SLC7A7: variants seen among roughly 807,000 people sequenced by gnomAD.
SLC7A7 encodes the protein solute carrier family 7 member 7, also known as Y+L amino acid transporter 1.
Under a neutral mutation model 47.9 loss-of-function variants are expected in SLC7A7, and 39 were observed. The ratio of observed to expected loss-of-function variants is 0.81; its 90% CI spans 0.63 to 1.06. The LOEUF is 1.06. Among genes scored for constraint, SLC7A7 ranks in the 50% least tolerant of loss-of-function variants. The pLI, the probability that SLC7A7 is intolerant of heterozygous loss-of-function variation, is 0.00. For missense variants in SLC7A7, 588 were observed against 632.0 expected (o/e 0.93, Z 0.75); for synonymous variants, 234 against 242.8 (o/e 0.96, Z 0.34).
At position 22,813,002 on chromosome 14, in the gene SLC7A7, C is replaced by CCTGG; in HGVS notation, c.393_396dup (p.Ala133ProfsTer42). ...TTGGCAAAGGTGATGGCAATGATGG[C>CCTGG]CTGGCTGGTGGGCTCAATGATGAGC... On this transcript the variant is annotated frameshift_variant, in exon 2 of 10. Coordinates refer to ENST00000674313, the MANE Select transcript of SLC7A7 (RefSeq NM_003982.4). LOFTEE classifies it high-confidence loss of function. 6.2e-7 allele frequency: 1 copy of CCTGG among 1,613,982 alleles called. No homozygotes were observed. Among genetic ancestry groups the CCTGG allele is most frequent in the Non-Finnish European group, 8.5e-7 (1 of 1,180,000 alleles).
At chr14:22,778,995 A>C (rs2038668101) in intron 3 of SLC7A7, 58 bp from the exon 4 acceptor site, 2 of 1,606,138 alleles carry the variant, frequency 1.2e-6, no homozygotes, top group Non-Finnish European at 1.7e-6. Flanking sequence ...CCACTTCAAG[A>C]TGGTCAAGTA....
At chr14:22,785,282 A>G (rs552302349) in intron 2 of SLC7A7, among the ~76,000 whole-genome samples, 1 of 152,260 alleles carries the variant, frequency 6.6e-6, no homozygotes, top group Non-Finnish European at 1.5e-5. Flanking sequence ...CATCTCAAAA[A>G]ATAAAATAAA....
At chr14:22,817,629 T>C (rs1468596424), upstream of SLC7A7, among the ~76,000 whole-genome samples, 3 of 152,092 alleles carry the variant, frequency 2.0e-5, no homozygotes, top group Admixed American at 6.6e-5. Flanking sequence ...GCATGAGCCA[T>C]TGTGCCCAGC....
intron 2 of SLC7A7, among the ~76,000 whole-genome samples, chr14:22,787,720 C>T (rs2038842862): frequency 6.6e-6 from 1 of 152,054 alleles, no homozygotes; most frequent in Non-Finnish European, 1.5e-5. Context: ...TGTGCCACTG[C>T]ACTCCAGCCT....
At chr14:22,811,610 G>A (rs2039306195) in intron 2 of SLC7A7, among the ~76,000 whole-genome samples, 1 of 152,202 alleles carries the variant, frequency 6.6e-6, no homozygotes, top group South Asian at 2.1e-4. Flanking sequence ...AACACTTTGG[G>A]AAGCCAAGGC....
intron 2 of SLC7A7, among the ~76,000 whole-genome samples, chr14:22,789,406 G>A (rs1213664252): frequency 1.3e-5 from 2 of 152,100 alleles, no homozygotes; most frequent in African/African-American, 4.8e-5. Context: ...ATCACCTGAG[G>A]TCAGGAATTC....
chr14:22,799,726 A>G (rs2039080195), intron 2 of SLC7A7, among the ~76,000 whole-genome samples: 1 of 151,984 alleles, frequency 6.6e-6, no homozygotes, highest in Non-Finnish European at 1.5e-5. Flanking sequence ...AAGTGTTGGG[A>G]TTACAGGTGT....
intron 2 of SLC7A7, 115 bp downstream of exon 2, chr14:22,812,785 A>C: frequency 1.4e-6 from 1 of 705,584 alleles, no homozygotes; most frequent in Non-Finnish European, 2.2e-6. Flanking sequence ...ATATATATAT[A>C]TATATATGTT....
intron 2 of SLC7A7, among the ~76,000 whole-genome samples, chr14:22,792,067 C>A (rs1371691873): frequency 6.6e-6 from 1 of 152,060 alleles, no homozygotes; most frequent in Non-Finnish European, 1.5e-5. Flanking sequence ...AATTTCCTGA[C>A]CCCGTGATCC....
At chr14:22,795,221 C>T (rs1420226939) in intron 2 of SLC7A7, among the ~76,000 whole-genome samples, 2 of 149,532 alleles carry the variant, frequency 1.3e-5, no homozygotes, top group African/African-American at 4.9e-5. Context: ...GCTGGGACTA[C>T]AGGCATGCAC....
intron 2 of SLC7A7, among the ~76,000 whole-genome samples, chr14:22,811,679 G>A (rs576045461): frequency 1.3e-5 from 2 of 151,948 alleles, no homozygotes; most frequent in African/African-American, 4.8e-5. Flanking sequence ...GTGAAACCCC[G>A]TCTCCACCAA....
chr14:22,792,127 G>A (rs1239950325), intron 2 of SLC7A7, among the ~76,000 whole-genome samples: 6 of 151,846 alleles, frequency 4.0e-5, no homozygotes, highest in East Asian at 1.9e-4. Context: ...GAGCCACCGC[G>A]CCCGGCCTGG....
At chr14:22,792,392 T>G (rs1398544514) in intron 2 of SLC7A7, among the ~76,000 whole-genome samples, 1 of 151,662 alleles carries the variant, frequency 6.6e-6, no homozygotes, top group South Asian at 2.1e-4. Flanking sequence ...GCAAGACCCT[T>G]TCTCTACAAA....
chr14:22,783,557 T>C (rs1172903512), intron 2 of SLC7A7, among the ~76,000 whole-genome samples: 7 of 151,862 alleles, frequency 4.6e-5, no homozygotes, highest in African/African-American at 1.7e-4. Context: ...TTCAACACCA[T>C]GCCCAGCTAA....
intron 3 of SLC7A7, 28 bp from the exon 4 acceptor site, chr14:22,778,965 GGGATTAGT>G: frequency 6.2e-7 from 1 of 1,612,854 alleles, no homozygotes; most frequent in Non-Finnish European, 8.5e-7. Flanking sequence ...TGGAAGGCAG[GGGATTAGT>G]GGCTCATTCT....
intron 2 of SLC7A7, among the ~76,000 whole-genome samples, chr14:22,811,909 A>G (rs893330781): frequency 1.3e-5 from 2 of 152,004 alleles, no homozygotes; most frequent in Non-Finnish European, 2.9e-5. Flanking sequence ...CTGCAAAAAG[A>G]TATTCACTGG....
intron 2 of SLC7A7, among the ~76,000 whole-genome samples, chr14:22,793,251 C>G (rs914175946): frequency 2.6e-5 from 4 of 152,134 alleles, no homozygotes; most frequent in Non-Finnish European, 4.4e-5. Context: ...ACAACCAATT[C>G]GCTTACTCAG....
intron 2 of SLC7A7, 187 bp from the exon 3 acceptor site, chr14:22,780,238 C>T (rs2038695648): frequency 1.6e-6 from 1 of 610,794 alleles, no homozygotes; most frequent in East Asian, 2.9e-5. Flanking sequence ...ATACAAAGGC[C>T]TCTATACTCC....
chr14:22,807,089 C>T (rs1189728138), intron 2 of SLC7A7, among the ~76,000 whole-genome samples: 3 of 151,970 alleles, frequency 2.0e-5, no homozygotes, highest in Non-Finnish European at 2.9e-5. Flanking sequence ...TTAGTAAAGA[C>T]GGGATTTCAC....
Sources: gnomAD v4.1 joint callset for allele counts (sites outside exome capture counted in the v4.1 genomes callset) on GRCh38, gnomAD v4.1.1 for gene constraint, MANE v1.5 for transcripts, NCBI Gene and HGNC (gene_info 2026-07-23, HGNC 2026-07-21) for gene names.